PPP1R14C: variants seen among roughly 807,000 people sequenced by gnomAD.
PPP1R14C encodes protein phosphatase 1 regulatory inhibitor subunit 14C.
PPP1R14C carries 16 observed loss-of-function variants against 20.4 expected under a neutral mutation model. The ratio of observed to expected loss-of-function variants is 0.78; its 90% CI spans 0.53 to 1.19. The LOEUF is 1.19. PPP1R14C is among the 50% of genes most tolerant of loss of function. The pLI is 0.00. For synonymous variants in PPP1R14C, 91 were observed against 91.0 expected (o/e 1.00, Z 0.00); for missense variants, 211 against 220.1 (o/e 0.96, Z 0.26).
At position 150,249,757 on chromosome 6, in the gene PPP1R14C, G is replaced by T. The variant is rs1778541884; in HGVS notation, c.*937G>T. On this transcript the variant is annotated 3_prime_UTR_variant, in exon 4 of 4. Coordinates refer to ENST00000361131, the MANE Select transcript of PPP1R14C (RefSeq NM_030949.3). ...TCAAAAGAAAGTTAGCAGATCGAGT[G>T]TCTTCTTCCTTAGAAATAGGTTCTG... 2.6e-6 allele frequency: 1 copy of T among 390,524 alleles called. No homozygotes were observed. The highest frequency in any genetic ancestry group is 1.4e-4 in the South Asian group (1 of 6,962). 24.2% of individuals were successfully genotyped at this position (390,524 alleles called of 1,614,324 possible). A position where few individuals can be genotyped will look rare whatever the true frequency, so the allele number is the denominator to read the frequency against.
rs9478530 is a variant in PPP1R14C at position 150,167,422 on chromosome 6, C to T, written c.306+23924C>T. On this transcript the variant is annotated intron_variant, in intron 1 of 3. Transcript: ENST00000361131. ...GTAGCTTTGAGACCCTAAAGAGATACGATATTTTGGGGTATGCTGGGGTAT... is the reference window on the plus strand; with the variant it reads ...GTAGCTTTGAGACCCTAAAGAGATATGATATTTTGGGGTATGCTGGGGTAT... 4.2e-3 allele frequency among the ~76,000 whole-genome samples: 645 copies of T among 152,106 alleles called. 5 individuals are homozygous for T. Among genetic ancestry groups the T allele is most frequent in the African/African-American group, 0.015 (612 of 41,496 alleles).
At chr6:150,183,042 T>C (rs551757819) in intron 1 of PPP1R14C, among the ~76,000 whole-genome samples, 51 of 152,354 alleles carry the variant, frequency 3.3e-4, no homozygotes, top group Non-Finnish European at 6.9e-4. Flanking sequence ...CTGCTGTATA[T>C]GTGGTCCACT....
At chr6:150,161,273 G>GT (rs1292036237) in intron 1 of PPP1R14C, among the ~76,000 whole-genome samples, 3 of 44,784 alleles carry the variant, frequency 6.7e-5, no homozygotes, top group African/African-American at 2.6e-4. Context: ...GAGCAAGACT[G>GT]TTTAAAAAAA....
rs1778526221 is a variant in PPP1R14C at position 150,248,912 on chromosome 6, A to C, written c.*92A>C. 1.4e-6 allele frequency: 1 copy of C among 695,150 alleles called. No homozygotes were observed. Among genetic ancestry groups the C allele is most frequent in the Non-Finnish European group, 2.3e-6 (1 of 425,854 alleles). 43.1% of individuals were successfully genotyped at this position (695,150 alleles called of 1,614,324 possible). ...CTTTTGTGAAAGAATAGGTGTCCTT[A>C]TGAACAACGTTTTTGTTTTTTTTTT... On this transcript the variant is annotated 3_prime_UTR_variant, in exon 4 of 4. Coordinates refer to ENST00000361131, the MANE Select transcript of PPP1R14C (RefSeq NM_030949.3).
chr6:150,164,013 A>G (rs1777399039), intron 1 of PPP1R14C, among the ~76,000 whole-genome samples: 1 of 152,102 alleles, frequency 6.6e-6, no homozygotes. Context: ...GAAAGTTCTG[A>G]TTGTTTCCCA....
In PPP1R14C at chr6:150,193,239, A is replaced by G. The variant is rs147259941; in HGVS notation, c.307-21505A>G. On this transcript the variant is annotated intron_variant, in intron 1 of 3. Coordinates refer to ENST00000361131, the MANE Select transcript of PPP1R14C (RefSeq NM_030949.3). Reference sequence around the variant, plus strand: ...CAAGGCTTGTTTAATCAGCATCTCCAGGACACAGGAAGAAGAAAAAGAGGA... The same window carrying G: ...CAAGGCTTGTTTAATCAGCATCTCCGGGACACAGGAAGAAGAAAAAGAGGA... Among the ~76,000 whole-genome samples, 246 of 152,130 alleles carry G rather than the reference A, an allele frequency of 1.6e-3. 1 individual carries two copies. Among genetic ancestry groups the G allele is most frequent in the African/African-American group, 5.6e-3 (233 of 41,476 alleles).
At chr6:150,182,693 A>G (rs575498617) in intron 1 of PPP1R14C, among the ~76,000 whole-genome samples, 26 of 152,318 alleles carry the variant, frequency 1.7e-4, no homozygotes, top group Middle Eastern at 3.4e-3. Context: ...AAATGAGATA[A>G]TACATGTGAG....
intron 1 of PPP1R14C, among the ~76,000 whole-genome samples, chr6:150,205,168 A>C (rs1777929856): frequency 6.6e-6 from 1 of 151,874 alleles, no homozygotes; most frequent in African/African-American, 2.4e-5. Context: ...GGAAAGAGAA[A>C]CCTGCCTGGT....
rs1226201470 is a variant in PPP1R14C at position 150,216,960 on chromosome 6, A to T, written c.423+104A>T. 5 of 833,052 alleles carry T rather than the reference A, an allele frequency of 6.0e-6. No individual in the cohort carries two copies. The East Asian group carries it at 1.3e-4, about 22-fold the overall frequency. 51.6% of individuals were successfully genotyped at this position (833,052 alleles called of 1,614,324 possible). On this transcript the variant is annotated intron_variant, in intron 3 of 3. Coordinates refer to ENST00000361131, the MANE Select transcript of PPP1R14C (RefSeq NM_030949.3). The stretch of plus-strand genomic sequence containing the variant: ...ACAATAAGTAGGTTTGAGTGTGTGT[A>T]TACCAATTAGCAATTATTATCCATG...
intron 3 of PPP1R14C, among the ~76,000 whole-genome samples, chr6:150,245,166 A>G (rs771810404): frequency 6.6e-6 from 1 of 152,108 alleles, no homozygotes; most frequent in African/African-American, 2.4e-5. Flanking sequence ...AGCAAGGTCT[A>G]CTGGCTCTGC....
intron 3 of PPP1R14C, 30 bp downstream of exon 3, chr6:150,216,886 G>T: frequency 6.4e-7 from 1 of 1,568,004 alleles, no homozygotes; most frequent in Non-Finnish European, 8.7e-7. Flanking sequence ...TAAATGCCAT[G>T]TTTGAACTGG....
intron 1 of PPP1R14C, among the ~76,000 whole-genome samples, chr6:150,200,556 T>A (rs1220312884): frequency 6.6e-6 from 1 of 152,170 alleles, no homozygotes; most frequent in Non-Finnish European, 1.5e-5. Context: ...GACACAGTGA[T>A]GCGTCTCATG....
Position 150,148,881 on chromosome 6 carries a change from T to C in PPP1R14C, c.306+5383T>C, listed in dbSNP as rs1458186490. Among the ~76,000 whole-genome samples the C allele has an allele frequency of 3.9e-5, 6 of 152,162 alleles. No individual in the cohort carries two copies. In the South Asian group the frequency reaches 6.2e-4, roughly 16 times the overall value. On this transcript the variant is annotated intron_variant, in intron 1 of 3. Transcript: ENST00000361131. ...GAGTTGGAGACCAGCCTGAGGAATATGATGAAACTCCGTCTCTACAAAAAA... is the reference window on the plus strand; with the variant it reads ...GAGTTGGAGACCAGCCTGAGGAATACGATGAAACTCCGTCTCTACAAAAAA...
At chr6:150,210,728 G>A (rs77213494) in intron 1 of PPP1R14C, among the ~76,000 whole-genome samples, 3,625 of 152,196 alleles carry the variant, frequency 0.024, 51 homozygotes, top group African/African-American at 0.033. Context: ...TCCTGAAAAC[G>A]TAGAAAATCC....
chr6:150,173,352 C>T (rs9479826), intron 1 of PPP1R14C, among the ~76,000 whole-genome samples: 6,090 of 151,752 alleles, frequency 0.04, 194 homozygotes, highest in Non-Finnish European at 0.067. Flanking sequence ...TTTTTCCATC[C>T]CTATGGTGAG....
intron 1 of PPP1R14C, among the ~76,000 whole-genome samples, chr6:150,175,377 G>T (rs1777550198): frequency 6.6e-6 from 1 of 152,162 alleles, no homozygotes; most frequent in Admixed American, 6.5e-5. Context: ...TGGACCCAGT[G>T]CTTCCCTCTT....
chr6:150,150,261 A>C (rs1364382239), intron 1 of PPP1R14C, among the ~76,000 whole-genome samples: 1 of 91,246 alleles, frequency 1.1e-5, no homozygotes, highest in African/African-American at 4.6e-5. Context: ...ACCTTTCTTC[A>C]TTGACTTACT....
chr6:150,246,470 GA>G (rs1299349206), intron 3 of PPP1R14C, among the ~76,000 whole-genome samples: 1 of 152,114 alleles, frequency 6.6e-6, no homozygotes, highest in Non-Finnish European at 1.5e-5. Context: ...TTTGCAAAAT[GA>G]AAATTGAATA....
chr6:150,197,008 C>T (rs995510950), intron 1 of PPP1R14C, among the ~76,000 whole-genome samples: 3 of 152,194 alleles, frequency 2.0e-5, no homozygotes, highest in Non-Finnish European at 4.4e-5. Context: ...CTGGAATGTA[C>T]TTGTCCTCCC....
Sources: gnomAD v4.1 joint callset for allele counts (sites outside exome capture counted in the v4.1 genomes callset) on GRCh38, gnomAD v4.1.1 for gene constraint, MANE v1.5 for transcripts, NCBI Gene and HGNC (gene_info 2026-07-23, HGNC 2026-07-21) for gene names.